CPAMD8: variants seen among roughly 807,000 people sequenced by gnomAD.
CPAMD8 encodes the protein C3 and PZP-like alpha-2-macroglobulin domain-containing protein 8.
A neutral mutation model predicts 224.7 loss-of-function variants in CPAMD8; 146 were observed. That is an observed-to-expected ratio of 0.65 (90% CI 0.57 to 0.75). CPAMD8 has a LOEUF of 0.75. Ranked by LOEUF, CPAMD8 falls within the 30% of genes least tolerant of loss-of-function variation. The probability of loss-of-function intolerance (pLI) is 0.00; values close to 1 mark genes in which losing one functional copy is unlikely to be tolerated. For missense variants in CPAMD8, 2,301 were observed against 2,537.5 expected (o/e 0.91, Z 2.00); for synonymous variants, 966 against 1,044.6 (o/e 0.92, Z 1.45).
At chr19:16,937,713 C>T (rs1006606291) in intron 23 of CPAMD8, among the ~76,000 whole-genome samples, 4 of 142,990 alleles carry the variant, frequency 2.8e-5, no homozygotes, top group Non-Finnish European at 6.0e-5. Context: ...AGTGCAATGG[C>T]GTGATCTCGG....
chr19:17,011,586 A>G lies in CPAMD8; in HGVS notation c.433+6T>C, dbSNP rs201288651. 1.2e-5 allele frequency: 19 copies of G among 1,614,058 alleles called. No homozygotes were observed. In the East Asian group the frequency reaches 3.6e-4, roughly 30 times the overall value. On this transcript the variant is annotated splice_donor_region_variant and intron_variant, in intron 4 of 41. Coordinates refer to ENST00000443236, the MANE Select transcript of CPAMD8 (RefSeq NM_015692.5). ...GGCCCTCCCTGCATCCATGCTGGCC[A>G]CTCACCTCGGTGCTGGGGTCTGTAC...
chr19:17,001,814 G>A (rs1248441680), intron 9 of CPAMD8, among the ~76,000 whole-genome samples: 1 of 151,354 alleles, frequency 6.6e-6, no homozygotes, highest in Non-Finnish European at 1.5e-5. Flanking sequence ...GAGGGGCCCA[G>A]GGGGAGGAAG....
intron 18 of CPAMD8, among the ~76,000 whole-genome samples, chr19:16,960,892 C>CA (rs879279468): frequency 9.3e-4 from 130 of 139,416 alleles, no homozygotes; most frequent in South Asian, 2.7e-3. Context: ...GACTCCTCCT[C>CA]AAAAAAAAAA....
intron 12 of CPAMD8, among the ~76,000 whole-genome samples, chr19:16,993,175 G>A (rs1411982918): frequency 2.0e-5 from 3 of 152,182 alleles, no homozygotes; most frequent in Non-Finnish European, 4.4e-5. Flanking sequence ...AGTCCATTTG[G>A]AGAGATCTCC....
chr19:16,895,749 AT>A, intron 41 of CPAMD8: 1 of 368,042 alleles, frequency 2.7e-6, no homozygotes, highest in Non-Finnish European at 5.5e-6. Flanking sequence ...TCATTGGGGC[AT>A]TTCAGATTTT....
At position 16,893,122 on chromosome 19, in the gene CPAMD8, A is replaced by T; in HGVS notation, c.5644T>A (p.Cys1882Ser). Residue 1882 changes from cysteine (C) to serine (S), a missense_variant, in exon 42 of 42, where the codon TGC becomes AGC. Physicochemically the swap from Cys to Ser is moderately radical, Grantham distance 112. This residue lies in a region of CPAMD8 where 1,709 missense variants were observed against 1,753.2 expected (regional missense o/e 0.97). Transcript: ENST00000443236. ...GEEGLWMSNT[C>S]TLR ...TGGTTGTAGGATTATCTCAAGGTGC[A>T]GGTGTTTGACATCCATAAACCCTCC... is the stretch of plus-strand genomic sequence containing the variant. 1 of 1,427,142 alleles carries T rather than the reference A, an allele frequency of 7.0e-7. No individual in the cohort carries two copies. The allele number at this position is 1,427,142 out of a possible 1,614,324, so 88.4% of individuals were successfully genotyped here.
intron 1 of CPAMD8, 53 bp from the exon 2 acceptor site, chr19:17,022,234 C>T: frequency 1.9e-6 from 3 of 1,574,252 alleles, no homozygotes; most frequent in Non-Finnish European, 2.6e-6. Context: ...CCTGGTCTCG[C>T]TGCCACCACA....
At position 16,914,424 on chromosome 19, in the gene CPAMD8, C is replaced by T. The variant is rs777175210; in HGVS notation, c.3861G>A (p.Glu1287=). 12 of 1,613,994 alleles carry T rather than the reference C, an allele frequency of 7.4e-6. No homozygotes were observed. The highest frequency in any genetic ancestry group is 4.0e-5 in the African/African-American group (3 of 74,930). ...CTCCCCAAACCCCTTCTGTACTCAC[C>T]TCTGAGGCTGTGCCTGTTTCCAGGA... The part of the protein sequence containing the change: ...VALLETGTAS[E]EERGSTDKAR... The change falls in exon 29 of 42, where the codon GAG becomes GAA. Residue 1287 remains glutamate (E), a splice_region_variant and synonymous_variant. Coordinates refer to ENST00000443236, the MANE Select transcript of CPAMD8 (RefSeq NM_015692.5).
At position 17,009,997 on chromosome 19, in the gene CPAMD8, C is replaced by A. The variant is rs139961639; in HGVS notation, c.487-677G>T. ...TACCAAGGGGCGTTCTGCAAAACAACTGCCTGGACTTGCCAAAAATGTCAA... is the reference window on the plus strand; with the variant it reads ...TACCAAGGGGCGTTCTGCAAAACAAATGCCTGGACTTGCCAAAAATGTCAA... On this transcript the variant is annotated intron_variant, in intron 5 of 41. Transcript: ENST00000443236. Among the ~76,000 whole-genome samples, 283 of 152,246 alleles carry A rather than the reference C, an allele frequency of 1.9e-3. 3 individuals are homozygous for A. The highest frequency in any genetic ancestry group is 6.3e-3 in the African/African-American group (260 of 41,540).
intron 17 of CPAMD8, among the ~76,000 whole-genome samples, chr19:16,971,543 C>T (rs1485403383): frequency 6.6e-6 from 1 of 152,050 alleles, no homozygotes; most frequent in Non-Finnish European, 1.5e-5. Context: ...ACAGGCAAAT[C>T]CATAGAGACA....
intron 2 of CPAMD8, among the ~76,000 whole-genome samples, chr19:17,021,322 T>C (rs1447990913): frequency 6.6e-6 from 1 of 152,184 alleles, no homozygotes; most frequent in African/African-American, 2.4e-5. Context: ...CAGGAGTGCC[T>C]GGTTCTTCTA....
intron 10 of CPAMD8, among the ~76,000 whole-genome samples, chr19:16,997,625 C>G (rs112755187): frequency 2.0e-5 from 3 of 151,616 alleles, no homozygotes; most frequent in Admixed American, 2.0e-4. Context: ...CTGTGGCGGG[C>G]GGGTCACTTG....
In CPAMD8 at chr19:16,952,685, C is replaced by A. The variant is rs142863386; in HGVS notation, c.2277-485G>T. Reference sequence around the variant, plus strand: ...GAGTGAGATCCCTGTCACACACACACAAAAATATTATTGAAAGAAACTAAA... The same window carrying A: ...GAGTGAGATCCCTGTCACACACACAAAAAAATATTATTGAAAGAAACTAAA... On this transcript the variant is annotated intron_variant, in intron 19 of 41. Coordinates refer to ENST00000443236, the MANE Select transcript of CPAMD8 (RefSeq NM_015692.5). Among the ~76,000 whole-genome samples, 721 of 151,468 alleles carry A rather than the reference C, an allele frequency of 4.8e-3. 3 individuals are homozygous for A. Among genetic ancestry groups the A allele is most frequent in the African/African-American group, 0.016 (678 of 41,238 alleles).
At chr19:16,980,771 G>A (rs1308769525) in intron 13 of CPAMD8, 85 bp from the exon 14 acceptor site, 3 of 1,143,556 alleles carry the variant, frequency 2.6e-6, no homozygotes, top group African/African-American at 3.2e-5. Flanking sequence ...TGGGGCCAGA[G>A]GGAGGTTGGG....
At chr19:16,928,317 C>G (rs921307947) in intron 24 of CPAMD8, 83 bp from the exon 25 acceptor site, 11 of 1,150,326 alleles carry the variant, frequency 9.6e-6, no homozygotes, top group Non-Finnish European at 1.4e-5. Flanking sequence ...AGCTTTGTGG[C>G]CAGGGTCAGA....
rs906902145 is a variant in CPAMD8 at position 17,005,363 on chromosome 19, G to T, written c.560-977C>A. 5.3e-5 allele frequency among the ~76,000 whole-genome samples: 8 copies of T among 152,194 alleles called. No individual in the cohort carries two copies. The South Asian group carries it at 1.7e-3, about 32-fold the overall frequency. On this transcript the variant is annotated intron_variant, in intron 7 of 41. Transcript: ENST00000443236. ...CCAGACATTGCCATGTCCCCTGGGG[G>T]CAGAATCGCCTGTCCGACCCCCCAC...
chr19:16,945,771 G>T, intron 21 of CPAMD8, 92 bp from the exon 22 acceptor site: 1 of 1,161,736 alleles, frequency 8.6e-7, no homozygotes. Context: ...GTGTGTGCAT[G>T]CATGCATGTG....
intron 10 of CPAMD8, 67 bp from the exon 11 acceptor site, chr19:16,997,405 AAC>A (rs1300821430): frequency 3.3e-6 from 3 of 921,568 alleles, no homozygotes; most frequent in Non-Finnish European, 3.5e-6. Context: ...ATGTCCCTGA[AAC>A]ACACACCTGA....
chr19:16,894,491 A>AC, intron 41 of CPAMD8: 1 of 456,240 alleles, frequency 2.2e-6, no homozygotes, highest in South Asian at 1.5e-5. Flanking sequence ...TCGGGATGGG[A>AC]CCCCACACCC....
Sources: gnomAD v4.1 joint callset for allele counts (sites outside exome capture counted in the v4.1 genomes callset) on GRCh38, gnomAD v4.1.1 for gene constraint, gnomAD v4.1.1 regional missense constraint, MANE v1.5 for transcripts, NCBI Gene and HGNC (gene_info 2026-07-23, HGNC 2026-07-21) for gene names.